Variants in RBFOX1 observed in about 807,000 individuals in gnomAD.
RBFOX1 encodes the protein RNA binding protein fox-1 homolog 1.
RBFOX1 carries 8 observed loss-of-function variants against 57.7 expected under a neutral mutation model. That is an observed-to-expected ratio of 0.14 (90% CI 0.08 to 0.25). RBFOX1 has a LOEUF of 0.25. RBFOX1 is among the 10% of genes least tolerant of loss of function. The pLI, the probability that RBFOX1 is intolerant of heterozygous loss-of-function variation, is 1.00. For synonymous variants in RBFOX1, 326 were observed against 222.4 expected (o/e 1.47, Z -4.15); for missense variants, 611 against 548.5 (o/e 1.11, Z -1.14).
chr16:6,053,587 T>C (rs1030983530), intron 1 of RBFOX1, among the ~76,000 whole-genome samples: 4 of 152,206 alleles, frequency 2.6e-5, no homozygotes, highest in African/African-American at 7.2e-5. Flanking sequence ...TTTTATCTAA[T>C]GGGGAAAAAT....
At chr16:5,987,830 C>A (rs765220884) in intron 4 of RBFOX1, among the ~76,000 whole-genome samples, 1 of 152,218 alleles carries the variant, frequency 6.6e-6, no homozygotes, top group Non-Finnish European at 1.5e-5. Flanking sequence ...TTTTTTAACT[C>A]TTACTCTATC....
At chr16:7,670,189 G>C (rs573450926) in intron 13 of RBFOX1, among the ~76,000 whole-genome samples, 1 of 151,982 alleles carries the variant, frequency 6.6e-6, no homozygotes, top group African/African-American at 2.4e-5. Context: ...GCACCACGAC[G>C]CCTGGCTAAT....
chr16:6,868,934 C>T (rs1445830218), intron 3 of RBFOX1, among the ~76,000 whole-genome samples: 3 of 152,104 alleles, frequency 2.0e-5, no homozygotes, highest in African/African-American at 7.2e-5. Context: ...CATTTTCTAG[C>T]CCTTGCCTTA....
chr16:7,480,982 T>G (rs1325783796), intron 4 of RBFOX1, among the ~76,000 whole-genome samples: 1 of 152,202 alleles, frequency 6.6e-6, no homozygotes, highest in Non-Finnish European at 1.5e-5. Flanking sequence ...CTTATAGGGC[T>G]GCTACCTGCC....
intron 7 of RBFOX1, among the ~76,000 whole-genome samples, chr16:7,592,737 C>T (rs1251527172): frequency 6.6e-6 from 1 of 152,186 alleles, no homozygotes; most frequent in Non-Finnish European, 1.5e-5. Flanking sequence ...TGTACCTCTA[C>T]ATGTAAGCTC....
chr16:7,536,438 AC>A (rs1405037973), intron 5 of RBFOX1, among the ~76,000 whole-genome samples: 2 of 152,154 alleles, frequency 1.3e-5, no homozygotes, highest in Non-Finnish European at 2.9e-5. Context: ...TACTAAAAAT[AC>A]AAAAATTAGC....
At chr16:6,294,505 C>G (rs1014395579) in intron 1 of RBFOX1, among the ~76,000 whole-genome samples, 2 of 152,186 alleles carry the variant, frequency 1.3e-5, no homozygotes, top group African/African-American at 2.4e-5. Context: ...TTAGACCAAA[C>G]AGGCTTAGCT....
intron 4 of RBFOX1, among the ~76,000 whole-genome samples, chr16:7,258,154 A>G (rs1337331866): frequency 2.0e-5 from 3 of 152,084 alleles, no homozygotes; most frequent in African/African-American, 4.8e-5. Context: ...TTTCTTGACT[A>G]TTTTATTCTG....
intron 3 of RBFOX1, among the ~76,000 whole-genome samples, chr16:5,786,653 C>T (rs961034557): frequency 1.3e-5 from 2 of 152,184 alleles, no homozygotes; most frequent in East Asian, 1.9e-4. Context: ...ATGCCCACTG[C>T]CCTCATCCCA....
chr16:5,945,999 C>T (rs371782406), intron 4 of RBFOX1, among the ~76,000 whole-genome samples: 77 of 152,280 alleles, frequency 5.1e-4, no homozygotes, highest in Middle Eastern at 6.8e-3. Flanking sequence ...ACATCCACAC[C>T]GGCGTCCACA....
At chr16:6,905,980 C>T (rs763452754) in intron 3 of RBFOX1, among the ~76,000 whole-genome samples, 1 of 152,178 alleles carries the variant, frequency 6.6e-6, no homozygotes, top group Non-Finnish European at 1.5e-5. Context: ...GCTGCAGGGT[C>T]CTTCTGCAGC....
intron 4 of RBFOX1, among the ~76,000 whole-genome samples, chr16:7,394,526 C>G (rs12709198): frequency 1.3e-5 from 2 of 151,916 alleles, no homozygotes; most frequent in Admixed American, 6.6e-5. Flanking sequence ...GGCAGTGAAA[C>G]CAACCTGTAC....
chr16:5,285,227 C>T (rs1405603510), intron 1 of RBFOX1, among the ~76,000 whole-genome samples: 4 of 152,124 alleles, frequency 2.6e-5, no homozygotes, highest in African/African-American at 9.7e-5. Context: ...TTTGCTTGAT[C>T]TAGTCTATTG....
chr16:6,995,955 A>C (rs1428265934), intron 3 of RBFOX1, among the ~76,000 whole-genome samples: 1 of 152,190 alleles, frequency 6.6e-6, no homozygotes, highest in East Asian at 1.9e-4. Context: ...TGAGTCTGAA[A>C]CTTTCTAGTC....
intron 3 of RBFOX1, among the ~76,000 whole-genome samples, chr16:5,735,514 A>G (rs1176109215): frequency 6.6e-6 from 1 of 152,178 alleles, no homozygotes; most frequent in East Asian, 1.9e-4. Context: ...CCGCTTCCGC[A>G]TCTTGACCCT....
chr16:7,438,026 C>T (rs544277332), intron 4 of RBFOX1, among the ~76,000 whole-genome samples: 9 of 152,150 alleles, frequency 5.9e-5, no homozygotes, highest in South Asian at 2.1e-4. Flanking sequence ...CATGTCAGTG[C>T]GACAGTTGAT....
chr16:6,354,134 C>T (rs543252412), intron 2 of RBFOX1, among the ~76,000 whole-genome samples: 9 of 151,922 alleles, frequency 5.9e-5, no homozygotes, highest in Non-Finnish European at 1.0e-4. Flanking sequence ...GTGGGAGGAT[C>T]GCTTGAACTC....
At chr16:7,037,228 C>CT (rs889539532) in intron 3 of RBFOX1, among the ~76,000 whole-genome samples, 3,453 of 80,564 alleles carry the variant, frequency 0.043, 885 homozygotes, top group African/African-American at 0.13. Context: ...GTCTTAGCCT[C>CT]TTTTTTTTTT....
At chr16:5,467,712 G>A (rs1396149734) in intron 2 of RBFOX1, among the ~76,000 whole-genome samples, 2 of 152,254 alleles carry the variant, frequency 1.3e-5, no homozygotes, top group African/African-American at 4.8e-5. Flanking sequence ...TTTTAAAATC[G>A]ATTTCAACTC....
Sources: gnomAD v4.1 joint callset for allele counts (sites outside exome capture counted in the v4.1 genomes callset) on GRCh38, gnomAD v4.1.1 for gene constraint, MANE v1.5 for transcripts, NCBI Gene and HGNC (gene_info 2026-07-23, HGNC 2026-07-21) for gene names.